Variants in ITGAV observed in about 807,000 individuals in gnomAD.
ITGAV encodes integrin subunit alpha V, also known as integrin alpha-V.
Under a neutral mutation model 143.8 loss-of-function variants are expected in ITGAV, and 76 were observed. That is an observed-to-expected ratio of 0.53 (90% CI 0.44 to 0.64). The LOEUF (loss-of-function observed/expected upper bound fraction) is 0.64. ITGAV is among the 30% of genes least tolerant of loss of function. The pLI, the probability that ITGAV is intolerant of heterozygous loss-of-function variation, is 0.00. For synonymous variants in ITGAV, 453 were observed against 446.7 expected, an observed-to-expected ratio of 1.01 and a Z score of -0.18; for missense variants, 1,193 against 1,274.7, an observed-to-expected ratio of 0.94 and a Z score of 0.98.
intron 3 of ITGAV, among the ~76,000 whole-genome samples, chr2:186,624,735 T>C (rs963056348): frequency 6.6e-6 from 1 of 152,158 alleles, no homozygotes; most frequent in South Asian, 2.1e-4. Flanking sequence ...TCTAGAATGC[T>C]GAAAACAAAA....
intron 3 of ITGAV, among the ~76,000 whole-genome samples, chr2:186,623,297 A>G (rs1687585644): frequency 6.6e-6 from 1 of 150,900 alleles, no homozygotes; most frequent in African/African-American, 2.4e-5. Flanking sequence ...CTCTGCTGGT[A>G]TTTATTTTTA....
intron 4 of ITGAV, among the ~76,000 whole-genome samples, chr2:186,626,494 A>C (rs1292121099): frequency 6.6e-6 from 1 of 152,180 alleles, no homozygotes; most frequent in Non-Finnish European, 1.5e-5. Context: ...CACATAGTTT[A>C]TTAGAGAAAA....
At position 186,641,442 on chromosome 2, in the gene ITGAV, A is replaced by G. The variant is rs1403635009; in HGVS notation, c.1013A>G (p.Lys338Arg). 3.1e-6 allele frequency: 5 copies of G among 1,614,164 alleles called. No homozygotes were observed. Among genetic ancestry groups the G allele is most frequent in the Non-Finnish European group, 4.2e-6 (5 of 1,180,022 alleles). Residue 338 changes from lysine (K) to arginine (R), a missense_variant, in exon 12 of 30, where the codon AAA becomes AGA. Coordinates refer to ENST00000261023, the MANE Select transcript of ITGAV (RefSeq NM_002210.5). Reference protein sequence around the residue: ...PLFMDRGSDGKLQEVGQVSVS... With the variant: ...PLFMDRGSDGRLQEVGQVSVS... Reference sequence around the variant, plus strand: ...TTCATGGATCGTGGCTCTGATGGCAAACTCCAAGAGGTGGGGCAGGTCTCA... The same window carrying G: ...TTCATGGATCGTGGCTCTGATGGCAGACTCCAAGAGGTGGGGCAGGTCTCA...
chr2:186,594,194 G>A (rs1013889460), intron 1 of ITGAV, among the ~76,000 whole-genome samples: 2 of 152,108 alleles, frequency 1.3e-5, no homozygotes, highest in African/African-American at 4.8e-5. Flanking sequence ...CAGTGGCCTG[G>A]CCTGTGAATC....
intron 2 of ITGAV, among the ~76,000 whole-genome samples, chr2:186,606,878 G>A (rs746485696): frequency 6.6e-5 from 10 of 152,110 alleles, no homozygotes; most frequent in Non-Finnish European, 1.2e-4. Context: ...TTCAGGGGAT[G>A]CTTATGGTTC....
chr2:186,648,666 T>C (rs539212494), intron 13 of ITGAV, among the ~76,000 whole-genome samples: 100 of 152,096 alleles, frequency 6.6e-4, no homozygotes, highest in African/African-American at 2.1e-3. Flanking sequence ...GGTTTCACCA[T>C]GTTGATCAGG....
At chr2:186,648,936 ATATATATACATTTGTG>A (rs1688340634) in intron 13 of ITGAV, among the ~76,000 whole-genome samples, 1 of 148,732 alleles carries the variant, frequency 6.7e-6, no homozygotes, top group Non-Finnish European at 1.5e-5. Context: ...ATACATTTGT[ATATATATACATTTGTG>A]TGTATATATA....
chr2:186,670,225 A>G (rs1574503761), intron 26 of ITGAV, among the ~76,000 whole-genome samples: 1 of 152,138 alleles, frequency 6.6e-6, no homozygotes, highest in Non-Finnish European at 1.5e-5. Context: ...TTTAAAGGCA[A>G]TTGTTTTTCT....
At chr2:186,658,102 T>A (rs1688641559) in intron 17 of ITGAV, among the ~76,000 whole-genome samples, 1 of 152,140 alleles carries the variant, frequency 6.6e-6, no homozygotes, top group Admixed American at 6.5e-5. Context: ...AAATAAGTCT[T>A]AGCAGTTTGT....
At chr2:186,672,013 G>T (rs544175855) in intron 26 of ITGAV, among the ~76,000 whole-genome samples, 6 of 149,266 alleles carry the variant, frequency 4.0e-5, no homozygotes, top group Non-Finnish European at 5.9e-5. Flanking sequence ...GTCCAGTGGC[G>T]AAATCTCGGA....
chr2:186,600,211 A>T, intron 1 of ITGAV: 1 of 849,154 alleles, frequency 1.2e-6, no homozygotes, highest in South Asian at 1.9e-5. Flanking sequence ...CTTTCTTTGT[A>T]GCTCCTGGAG....
Position 186,665,399 on chromosome 2 carries a change from T to G in ITGAV, c.2166+181T>G, listed in dbSNP as rs78475056. 1.8e-3 allele frequency among the ~76,000 whole-genome samples: 267 copies of G among 152,344 alleles called. 6 individuals are homozygous for G. The East Asian group carries it at 0.043, about 25-fold the overall frequency. On this transcript the variant is annotated intron_variant, in intron 21 of 29. Transcript: ENST00000261023. The stretch of plus-strand genomic sequence containing the variant: ...GTTTTAACTAAGATACGAAAACAAT[T>G]GGTTGTGCTCCTACACGGTTTGCAA...
intron 1 of ITGAV, among the ~76,000 whole-genome samples, chr2:186,601,483 A>G (rs1686903847): frequency 6.6e-6 from 1 of 152,010 alleles, no homozygotes. Flanking sequence ...ATAGAATAAA[A>G]TAAAAATTAC....
intron 1 of ITGAV, among the ~76,000 whole-genome samples, chr2:186,599,492 A>T (rs926761407): frequency 6.6e-6 from 1 of 152,114 alleles, no homozygotes; most frequent in African/African-American, 2.4e-5. Context: ...TACTAATTTT[A>T]TTTTATTTCT....
intron 2 of ITGAV, among the ~76,000 whole-genome samples, chr2:186,615,139 T>G (rs889483992): frequency 6.6e-6 from 1 of 152,136 alleles, no homozygotes; most frequent in Non-Finnish European, 1.5e-5. Flanking sequence ...CATGTATCAG[T>G]GCTACATTCC....
chr2:186,667,862 A>G (rs1319656732), intron 24 of ITGAV, 86 bp downstream of exon 24: 8 of 690,500 alleles, frequency 1.2e-5, no homozygotes, highest in East Asian at 1.1e-4. Flanking sequence ...AAAAAATTCT[A>G]TGTAATTTTT....
At chr2:186,661,497 T>A (rs1187102779) in intron 18 of ITGAV, among the ~76,000 whole-genome samples, 1 of 152,140 alleles carries the variant, frequency 6.6e-6, no homozygotes, top group Non-Finnish European at 1.5e-5. Context: ...TTCTGCTCCC[T>A]AATCCTTTGG....
chr2:186,666,535 T>G (rs1271448867), intron 21 of ITGAV, among the ~76,000 whole-genome samples, 169 bp from the exon 22 acceptor site: 14 of 152,262 alleles, frequency 9.2e-5, no homozygotes, highest in African/African-American at 2.9e-4. Flanking sequence ...TCCAGGTATA[T>G]TAAGTAAAAT....
chr2:186,672,045 G>A lies in ITGAV; in HGVS notation c.2706+2231G>A, dbSNP rs2682871. Among the ~76,000 whole-genome samples the A allele has an allele frequency of 9.1e-3, 1,338 of 147,090 alleles. 18 individuals are homozygous for A. The highest frequency in any genetic ancestry group is 0.032 in the African/African-American group (1,277 of 40,038). Reference sequence around the variant, plus strand: ...CGGATCACTGCAAGCTCCACCTCCCGGGTTCACGCCATTCTCCTGCCTCAG... The same window carrying A: ...CGGATCACTGCAAGCTCCACCTCCCAGGTTCACGCCATTCTCCTGCCTCAG... On this transcript the variant is annotated intron_variant, in intron 26 of 29. Coordinates refer to ENST00000261023, the MANE Select transcript of ITGAV (RefSeq NM_002210.5).
Sources: gnomAD v4.1 joint callset for allele counts (sites outside exome capture counted in the v4.1 genomes callset) on GRCh38, gnomAD v4.1.1 for gene constraint, MANE v1.5 for transcripts, NCBI Gene and HGNC (gene_info 2026-07-23, HGNC 2026-07-21) for gene names.